Variants in CYP2B6 observed in about 807,000 individuals in gnomAD.
CYP2B6 encodes cytochrome P450 family 2 subfamily B member 6, also known as cytochrome P450 2B6.
A neutral mutation model predicts 43.4 loss-of-function variants in CYP2B6; 35 were observed. The ratio of observed to expected loss-of-function variants is 0.81; its 90% CI spans 0.62 to 1.07. The LOEUF is 1.07. Ranked by LOEUF, CYP2B6 falls within the 50% of genes least tolerant of loss-of-function variation. The probability of loss-of-function intolerance (pLI) is 0.00; values close to 1 mark genes in which losing one functional copy is unlikely to be tolerated. For synonymous variants in CYP2B6, 239 were observed against 239.2 expected (o/e 1.00, Z 0.01); for missense variants, 624 against 632.8 (o/e 0.99, Z 0.15).
intron 5 of CYP2B6, chr19:41,009,643 CAG>C (rs1439098294): frequency 6.5e-6 from 4 of 614,916 alleles, no homozygotes; most frequent in Non-Finnish European, 1.1e-5. Context: ...GAATGAAAGA[CAG>C]AGGGAGAGAG....
chr19:41,014,954 A>G (rs1346517517), intron 8 of CYP2B6, among the ~76,000 whole-genome samples: 1 of 152,134 alleles, frequency 6.6e-6, no homozygotes, highest in Non-Finnish European at 1.5e-5. Flanking sequence ...GGAAGAAAGA[A>G]TGAACAAGAC....
chr19:41,011,785 T>C (rs1250355825), intron 6 of CYP2B6, among the ~76,000 whole-genome samples: 2 of 152,034 alleles, frequency 1.3e-5, no homozygotes, highest in Admixed American at 6.6e-5. Context: ...AGAGGATCTG[T>C]AATATTCATT....
intron 1 of CYP2B6, among the ~76,000 whole-genome samples, chr19:40,993,498 A>G (rs1359032656): frequency 6.6e-6 from 1 of 152,174 alleles, no homozygotes; most frequent in African/African-American, 2.4e-5. Flanking sequence ...AGAGCCTCTT[A>G]TAAAACCATC....
intron 8 of CYP2B6, among the ~76,000 whole-genome samples, chr19:41,014,348 C>T (rs1383187442): frequency 6.6e-6 from 1 of 151,796 alleles, no homozygotes; most frequent in Admixed American, 6.6e-5. Flanking sequence ...CTGTGTTGCC[C>T]AGGCTGGAGT....
intron 4 of CYP2B6, among the ~76,000 whole-genome samples, chr19:41,008,336 C>A (rs1156633418): frequency 6.8e-6 from 1 of 147,606 alleles, no homozygotes; most frequent in African/African-American, 2.6e-5. Flanking sequence ...CTCAGCCTCC[C>A]GAGCAGCCGG....
In CYP2B6 at chr19:41,017,720, A is replaced by G. The variant is rs550877759; in HGVS notation, c.*893A>G. On this transcript the variant is annotated 3_prime_UTR_variant, in exon 9 of 9. Transcript: ENST00000324071. The stretch of plus-strand genomic sequence containing the variant: ...ATGTTTTCATTATCTCTCCCCCAAC[A>G]AAACCCATACCTATCAAGCTGTCAC... 2.6e-5 allele frequency: 4 copies of G among 152,158 alleles called. No homozygotes were observed. The South Asian group carries it at 8.3e-4, about 32-fold the overall frequency. 9.4% of individuals were successfully genotyped at this position (152,158 alleles called of 1,614,324 possible).
rs148520554 is a variant in CYP2B6 at position 41,016,823 on chromosome 19, G to A, written c.1472G>A (p.Arg491His). The A allele has an allele frequency of 4.8e-5, 77 of 1,613,552 alleles. No homozygotes were observed. Among genetic ancestry groups the A allele is most frequent in the African/African-American group, 4.3e-4 (32 of 75,012 alleles). Residue 491 changes from arginine (R) to histidine (H), a missense_variant, in exon 9 of 9, where the codon CGC (arginine) becomes CAC (histidine). Coordinates refer to ENST00000324071, the MANE Select transcript of CYP2B6 (RefSeq NM_000767.5). The stretch of plus-strand genomic sequence containing the variant: ...ACATACCAGATCCGCTTCCTGCCCC[G>A]CTGAAGGGGCTGAGGGAAGGGGGTC... ...PPTYQIRFLP[R>H]
rs1347481186 is a variant in CYP2B6, at chr19:40,991,461, C to T, written c.156C>T (p.Leu52=). 1.2e-6 allele frequency: 2 copies of T among 1,613,740 alleles called. No homozygotes were observed. The highest frequency in any genetic ancestry group is 2.7e-5 in the African/African-American group (2 of 74,816). Residue 52 remains leucine (L), a synonymous_variant, in exon 1 of 9, where the codon CTC becomes CTT. Coordinates refer to ENST00000324071, the MANE Select transcript of CYP2B6 (RefSeq NM_000767.5). ...NLLQMDRRGL[L]KSFLRFREKY... is the part of the protein sequence containing the mutation. ...TGCAGATGGATAGAAGAGGCCTACT[C>T]AAATCCTTTCTGAGGGTAAGACACA...
chr19:40,992,002 G>C (rs1489433241), intron 1 of CYP2B6, among the ~76,000 whole-genome samples: 2 of 151,990 alleles, frequency 1.3e-5, no homozygotes, highest in Non-Finnish European at 2.9e-5. Flanking sequence ...AGGAGTTCGA[G>C]ACCAGCCTGG....
At chr19:41,011,500 A>G (rs566871611) in intron 6 of CYP2B6, among the ~76,000 whole-genome samples, 3 of 152,314 alleles carry the variant, frequency 2.0e-5, no homozygotes, top group East Asian at 3.9e-4. Flanking sequence ...TTATTCATCA[A>G]TCTTTCCATC....
At position 41,010,095 on chromosome 19, in the gene CYP2B6, C is replaced by G. The variant is rs1175849698; in HGVS notation, c.924C>G (p.Arg308=). 1.9e-6 allele frequency: 3 copies of G among 1,613,980 alleles called. No homozygotes were observed. Among genetic ancestry groups the G allele is most frequent in the Non-Finnish European group, 2.5e-6 (3 of 1,180,016 alleles). ...CTGAGACCACCAGCACCACTCTCCGCTACGGCTTCCTGCTCATGCTCAAAT... is the reference window on the plus strand; with the variant it reads ...CTGAGACCACCAGCACCACTCTCCGGTACGGCTTCCTGCTCATGCTCAAAT... The part of the protein sequence containing the change: ...AGTETTSTTL[R]YGFLLMLKYP... Residue 308 remains arginine (R), a synonymous_variant, in exon 6 of 9, where the codon CGC becomes CGG. Transcript: ENST00000324071.
chr19:40,994,749 T>C (rs1968976038), intron 1 of CYP2B6, among the ~76,000 whole-genome samples: 1 of 152,204 alleles, frequency 6.6e-6, no homozygotes, highest in South Asian at 2.1e-4. Flanking sequence ...ATTATTCAGA[T>C]ACATTTCCTA....
rs751560753 is a variant in CYP2B6 at position 41,016,631 on chromosome 19, C to T, written c.1295-15C>T. The T allele has an allele frequency of 1.2e-6, 2 of 1,613,992 alleles. No individual in the cohort carries two copies. The highest frequency in any genetic ancestry group is 1.7e-6 in the Non-Finnish European group (2 of 1,179,906). Reference sequence around the variant, plus strand: ...CCTGCCCTGTGCCCACACTGGTGACCTTCTGTGTCCACAGGGAAGCGGATT... The same window carrying T: ...CCTGCCCTGTGCCCACACTGGTGACTTTCTGTGTCCACAGGGAAGCGGATT... On this transcript the variant is annotated splice_polypyrimidine_tract_variant and intron_variant, in intron 8 of 8. Transcript: ENST00000324071.
chr19:41,014,471 A>AT (rs979410590), intron 8 of CYP2B6, among the ~76,000 whole-genome samples: 49 of 151,012 alleles, frequency 3.2e-4, no homozygotes, highest in South Asian at 1.0e-3. Flanking sequence ...ATGCCTGGCT[A>AT]TTTTTTTTTA....
chr19:41,004,132 C>G lies in CYP2B6; in HGVS notation c.303C>G (p.Ile101Met). ...KAEAFSGRGKIAMVDPFFRGY... is the reference protein window; with the variant it reads ...KAEAFSGRGKMAMVDPFFRGY... ...AGGCCTTCTCTGGCCGGGGAAAAAT[C>G]GCCATGGTCGACCCATTCTTCCGGG... is the stretch of plus-strand genomic sequence containing the variant. Residue 101 changes from isoleucine (I) to methionine (M), a missense_variant, in exon 2 of 9, where the codon ATC becomes ATG. Coordinates refer to ENST00000324071, the MANE Select transcript of CYP2B6 (RefSeq NM_000767.5). 1.9e-6 allele frequency: 3 copies of G among 1,604,902 alleles called. No individual in the cohort carries two copies. The highest frequency in any genetic ancestry group is 2.6e-6 in the Non-Finnish European group (3 of 1,175,892).
At position 41,004,442 on chromosome 19, in the gene CYP2B6, C is replaced by G; in HGVS notation, c.480C>G (p.Ser160=). ...AQCLIEELRK[S]KGALMDPTFL... is the part of the protein sequence containing the mutation. ...GTCTGATAGAGGAGCTTCGGAAATC[C>G]AAGGGTGAGTCCTGGGGGATGAATA... The change falls in exon 3 of 9, where the codon TCC becomes TCG. Residue 160 remains serine (S), a synonymous_variant. Coordinates refer to ENST00000324071, the MANE Select transcript of CYP2B6 (RefSeq NM_000767.5). 6.2e-7 allele frequency: 1 copy of G among 1,613,538 alleles called. No individual in the cohort carries two copies. The highest frequency in any genetic ancestry group is 1.3e-5 in the African/African-American group (1 of 74,862).
In CYP2B6 at chr19:41,017,536, C is replaced by T. The variant is rs1056565350; in HGVS notation, c.*709C>T. ...CCAGGTTCGAGTTCAGTGGTGCCAT[C>T]TCTGTCCACTGCAACCTCCACATCC... On this transcript the variant is annotated 3_prime_UTR_variant, in exon 9 of 9. Transcript: ENST00000324071. 2.6e-5 allele frequency: 4 copies of T among 152,082 alleles called. No homozygotes were observed. Among genetic ancestry groups the T allele is most frequent in the Non-Finnish European group, 2.9e-5 (2 of 68,038 alleles). The allele number at this position is 152,082 out of a possible 1,614,324, so 9.4% of individuals were successfully genotyped here. A position where few individuals can be genotyped will look rare whatever the true frequency, so the allele number is the denominator to read the frequency against.
At chr19:41,001,039 C>A (rs1568558919) in intron 1 of CYP2B6, among the ~76,000 whole-genome samples, 1 of 150,318 alleles carries the variant, frequency 6.7e-6, no homozygotes, top group African/African-American at 2.5e-5. Context: ...AACTCCATCT[C>A]AAAAAAAACC....
In CYP2B6 at chr19:41,016,682, C is replaced by T. The variant is rs368451099; in HGVS notation, c.1331C>T (p.Ala444Val). Residue 444 changes from alanine to valine, a missense_variant, in exon 9 of 9, where the codon GCG becomes GTG. Transcript: ENST00000324071. ...RICLGEGIAR[A>V]ELFLFFTTIL... Reference sequence around the variant, plus strand: ...TGTCTTGGTGAAGGCATCGCCCGTGCGGAATTGTTCCTCTTCTTCACCACC... The same window carrying T: ...TGTCTTGGTGAAGGCATCGCCCGTGTGGAATTGTTCCTCTTCTTCACCACC... 6.2e-5 allele frequency: 100 copies of T among 1,614,176 alleles called. No homozygotes were observed. In the Middle Eastern group the frequency reaches 1.6e-3, roughly 27 times the overall value.
Sources: allele counts gnomAD v4.1 joint callset (sites outside exome capture counted in the v4.1 genomes callset), GRCh38; gene constraint gnomAD v4.1.1; transcripts MANE v1.5; gene names NCBI Gene and HGNC (gene_info 2026-07-23, HGNC 2026-07-21).